The following MACROD2 variants were observed in gnomAD, a reference collection of about 807,000 sequenced individuals.
MACROD2 encodes the protein ADP-ribose glycohydrolase MACROD2.
MACROD2 carries 36 observed loss-of-function variants against 70.4 expected under a neutral mutation model. The ratio of observed to expected loss-of-function variants is 0.51; its 90% CI spans 0.39 to 0.68. MACROD2 has a LOEUF of 0.68. MACROD2 is among the 30% of genes least tolerant of loss of function. The pLI is 0.00. For missense variants in MACROD2, 496 were observed against 538.4 expected (o/e 0.92, Z 0.78); for synonymous variants, 172 against 178.8 (o/e 0.96, Z 0.30).
At chr20:14,654,445 C>G (rs1985861980) in intron 4 of MACROD2, among the ~76,000 whole-genome samples, 1 of 150,584 alleles carries the variant, frequency 6.6e-6, no homozygotes, top group Non-Finnish European at 1.5e-5. Flanking sequence ...ACTTGGGAGG[C>G]TGAGGCAGGA....
intron 8 of MACROD2, among the ~76,000 whole-genome samples, chr20:15,531,936 G>C (rs144319104): frequency 8.5e-5 from 13 of 152,080 alleles, no homozygotes; most frequent in Non-Finnish European, 1.9e-4. Flanking sequence ...AATAAAATTC[G>C]TGTGTCTTTT....
chr20:14,115,613 G>T (rs558720702), intron 3 of MACROD2, among the ~76,000 whole-genome samples: 6 of 152,208 alleles, frequency 3.9e-5, no homozygotes, highest in Non-Finnish European at 8.8e-5. Flanking sequence ...AAACTATTTT[G>T]GTTGCGGACA....
chr20:15,706,219 A>G (rs1461778744), intron 8 of MACROD2, among the ~76,000 whole-genome samples: 1 of 152,218 alleles, frequency 6.6e-6, no homozygotes, highest in Non-Finnish European at 1.5e-5. Flanking sequence ...TAGAACCCAC[A>G]TACAGTCAGA....
chr20:15,585,951 T>C (rs1370905700), intron 8 of MACROD2, among the ~76,000 whole-genome samples: 1 of 152,170 alleles, frequency 6.6e-6, no homozygotes, highest in Non-Finnish European at 1.5e-5. Context: ...TTTAGGATTA[T>C]GCATCCAATT....
At chr20:14,497,188 C>T (rs929720922) in intron 4 of MACROD2, among the ~76,000 whole-genome samples, 2 of 151,744 alleles carry the variant, frequency 1.3e-5, no homozygotes, top group African/African-American at 2.4e-5. Context: ...TCACAAGTCT[C>T]AAGATCTACT....
chr20:14,723,006 C>A (rs2123687906), intron 5 of MACROD2, among the ~76,000 whole-genome samples: 1 of 152,338 alleles, frequency 6.6e-6, no homozygotes, highest in East Asian at 1.9e-4. Flanking sequence ...ACTCCCTTGT[C>A]AGACCACCTT....
At chr20:15,410,401 CT>C (rs1420037047) in intron 6 of MACROD2, among the ~76,000 whole-genome samples, 1 of 152,060 alleles carries the variant, frequency 6.6e-6, no homozygotes, top group Non-Finnish European at 1.5e-5. Context: ...GGTTACCTTC[CT>C]TCGGTATATT....
intron 6 of MACROD2, among the ~76,000 whole-genome samples, chr20:15,263,049 C>T (rs935671569): frequency 6.6e-6 from 1 of 151,842 alleles, no homozygotes; most frequent in African/African-American, 2.4e-5. Context: ...ATTTGATGTG[C>T]TTCTATTTGT....
chr20:15,452,271 CTTA>C (rs1384141759), intron 7 of MACROD2, among the ~76,000 whole-genome samples: 1 of 152,094 alleles, frequency 6.6e-6, no homozygotes, highest in Non-Finnish European at 1.5e-5. Context: ...GGCCCTCACT[CTTA>C]TTTTAGGCAT....
chr20:15,458,033 G>A (rs1450182603), intron 7 of MACROD2, among the ~76,000 whole-genome samples: 2 of 150,844 alleles, frequency 1.3e-5, no homozygotes, highest in African/African-American at 2.4e-5. Flanking sequence ...ATAGTACATC[G>A]TAGGTATTTT....
chr20:14,938,939 GA>G (rs2074365516), intron 5 of MACROD2, among the ~76,000 whole-genome samples: 1 of 96,064 alleles, frequency 1.0e-5, no homozygotes, highest in Admixed American at 9.9e-5. Context: ...TGTTAAATCA[GA>G]TTTTTTTTTT....
At chr20:14,121,855 C>T (rs911446598) in intron 3 of MACROD2, among the ~76,000 whole-genome samples, 1 of 152,016 alleles carries the variant, frequency 6.6e-6, no homozygotes, top group African/African-American at 2.4e-5. Context: ...ATGAAAACAT[C>T]TTGGTTGTTA....
At chr20:15,008,604 A>G (rs1370399090) in intron 5 of MACROD2, among the ~76,000 whole-genome samples, 2 of 152,164 alleles carry the variant, frequency 1.3e-5, no homozygotes, top group Non-Finnish European at 2.9e-5. Context: ...ATTACTAAGC[A>G]GAAATAATTT....
At chr20:15,082,030 C>T (rs745772017) in intron 5 of MACROD2, among the ~76,000 whole-genome samples, 2 of 152,156 alleles carry the variant, frequency 1.3e-5, no homozygotes, top group African/African-American at 2.4e-5. Context: ...AGGCAGGAGC[C>T]AGGCTACTGG....
At chr20:15,086,086 C>T (rs532092049) in intron 5 of MACROD2, among the ~76,000 whole-genome samples, 58 of 152,174 alleles carry the variant, frequency 3.8e-4, no homozygotes, top group Non-Finnish European at 6.0e-4. Context: ...CAGCAATACA[C>T]GTCCCACATC....
chr20:14,411,713 G>A lies in MACROD2; in HGVS notation c.272-81766G>A, dbSNP rs566339287. Among the ~76,000 whole-genome samples, 7 of 152,140 alleles carry A rather than the reference G, an allele frequency of 4.6e-5. No individual in the cohort carries two copies. In the East Asian group the frequency reaches 1.4e-3, roughly 29 times the overall value. On this transcript the variant is annotated intron_variant, in intron 3 of 17. Transcript: ENST00000684519. ...AAGACCTGTTATATTTTCTCATCTT[G>A]TTTTATTTTTCTTCTCAGTTCAAGC...
At chr20:15,146,027 G>T (rs1426454406) in intron 5 of MACROD2, among the ~76,000 whole-genome samples, 1 of 152,036 alleles carries the variant, frequency 6.6e-6, no homozygotes, top group Non-Finnish European at 1.5e-5. Context: ...TATAATTTAT[G>T]ATTTAAAACA....
At chr20:14,265,449 C>G (rs1325581219) in intron 3 of MACROD2, among the ~76,000 whole-genome samples, 3 of 152,164 alleles carry the variant, frequency 2.0e-5, no homozygotes, top group East Asian at 1.9e-4. Flanking sequence ...GTGGCTGACT[C>G]AATATACACT....
chr20:14,596,412 C>CATATAT (rs5840627), intron 4 of MACROD2, among the ~76,000 whole-genome samples: 5,714 of 142,896 alleles, frequency 0.04, 123 homozygotes, highest in Admixed American at 0.052. Context: ...ATTTTTTAAA[C>CATATAT]ATATATATAT....
Sources: gnomAD v4.1 joint callset for allele counts (sites outside exome capture counted in the v4.1 genomes callset) on GRCh38, gnomAD v4.1.1 for gene constraint, MANE v1.5 for transcripts, NCBI Gene and HGNC (gene_info 2026-07-23, HGNC 2026-07-21) for gene names.